The following GABRB1 variants were observed in gnomAD, a reference collection of about 807,000 sequenced individuals.
The protein encoded by GABRB1 is gamma-aminobutyric acid receptor subunit beta-1.
GABRB1 carries 17 observed loss-of-function variants against 51.6 expected under a neutral mutation model. The observed-to-expected ratio is 0.33, with a 90% CI of 0.23 to 0.49. The LOEUF is 0.49. Among genes scored for constraint, GABRB1 ranks in the 20% least tolerant of loss-of-function variants. The pLI is 0.99. For missense variants in GABRB1, 410 were observed against 600.6 expected (o/e 0.68, Z 3.32); for synonymous variants, 247 against 218.9 (o/e 1.13, Z -1.14).
At chr4:47,047,840 C>T (rs1249742798) in intron 3 of GABRB1, among the ~76,000 whole-genome samples, 4 of 151,970 alleles carry the variant, frequency 2.6e-5, no homozygotes, top group African/African-American at 9.7e-5. Context: ...ATTTGTCCTC[C>T]CTCTGAGACA....
intron 4 of GABRB1, among the ~76,000 whole-genome samples, chr4:47,262,520 C>T (rs371567366): frequency 1.1e-4 from 16 of 152,036 alleles, no homozygotes; most frequent in African/African-American, 2.2e-4. Context: ...GTTAGAATGG[C>T]GATCATTAAA....
At chr4:47,271,525 G>A (rs977749533) in intron 4 of GABRB1, among the ~76,000 whole-genome samples, 20 of 152,090 alleles carry the variant, frequency 1.3e-4, no homozygotes, top group Non-Finnish European at 2.8e-4. Context: ...TCTTTCCCTG[G>A]CTTAATCAGT....
intron 4 of GABRB1, among the ~76,000 whole-genome samples, chr4:47,227,231 G>T (rs17539438): frequency 6.6e-6 from 1 of 151,888 alleles, no homozygotes; most frequent in Non-Finnish European, 1.5e-5. Flanking sequence ...TCATTTTTTC[G>T]TGCAAAATTG....
At chr4:47,087,006 T>A (rs1442824242) in intron 3 of GABRB1, among the ~76,000 whole-genome samples, 1 of 152,218 alleles carries the variant, frequency 6.6e-6, no homozygotes, top group Non-Finnish European at 1.5e-5. Flanking sequence ...ACACTGCTTT[T>A]TCCCATTTCA....
intron 3 of GABRB1, among the ~76,000 whole-genome samples, chr4:47,069,750 A>T (rs1446351054): frequency 6.6e-6 from 1 of 151,830 alleles, no homozygotes; most frequent in Non-Finnish European, 1.5e-5. Flanking sequence ...TTCTTTTCTC[A>T]TTTGCCATGG....
intron 4 of GABRB1, among the ~76,000 whole-genome samples, chr4:47,233,167 C>T (rs1578020288): frequency 6.6e-6 from 1 of 152,152 alleles, no homozygotes; most frequent in South Asian, 2.1e-4. Context: ...TGATCCACCA[C>T]ATCCCACCTG....
At chr4:47,132,805 T>A (rs1009394967) in intron 3 of GABRB1, among the ~76,000 whole-genome samples, 1 of 151,924 alleles carries the variant, frequency 6.6e-6, no homozygotes, top group East Asian at 1.9e-4. Context: ...ACCCAGAGAG[T>A]CTCCAGTGCA....
At chr4:47,188,684 A>G (rs1039069875) in intron 4 of GABRB1, among the ~76,000 whole-genome samples, 1 of 152,044 alleles carries the variant, frequency 6.6e-6, no homozygotes, top group East Asian at 1.9e-4. Context: ...AAGGGCATAA[A>G]ATAAGTATAT....
chr4:47,354,525 C>T (rs1329722488), intron 5 of GABRB1, among the ~76,000 whole-genome samples: 1 of 152,136 alleles, frequency 6.6e-6, no homozygotes, highest in African/African-American at 2.4e-5. Flanking sequence ...ACCGGGTGCT[C>T]TCCAGGCCTT....
At chr4:47,045,954 T>C (rs1251297165) in intron 3 of GABRB1, among the ~76,000 whole-genome samples, 1 of 152,100 alleles carries the variant, frequency 6.6e-6, no homozygotes, top group Non-Finnish European at 1.5e-5. Flanking sequence ...TGAATTTTAG[T>C]TCCCATAAAC....
At chr4:47,091,730 T>C (rs1158450611) in intron 3 of GABRB1, among the ~76,000 whole-genome samples, 2 of 152,214 alleles carry the variant, frequency 1.3e-5, no homozygotes, top group African/African-American at 4.8e-5. Flanking sequence ...CCCTGCCTTG[T>C]AGTGGATTTT....
chr4:47,367,572 G>A (rs138194531), intron 5 of GABRB1, among the ~76,000 whole-genome samples: 423 of 152,298 alleles, frequency 2.8e-3, no homozygotes, highest in African/African-American at 9.3e-3. Flanking sequence ...AATGACAGAT[G>A]CAGAAAAGTC....
intron 4 of GABRB1, among the ~76,000 whole-genome samples, chr4:47,282,367 C>A (rs558960440): frequency 2.0e-5 from 3 of 152,302 alleles, no homozygotes; most frequent in African/African-American, 4.8e-5. Flanking sequence ...CCCCTACCAA[C>A]CTGGGTGGGC....
intron 3 of GABRB1, among the ~76,000 whole-genome samples, chr4:47,075,363 A>G (rs958621381): frequency 6.6e-5 from 10 of 152,204 alleles, no homozygotes; most frequent in African/African-American, 2.4e-4. Flanking sequence ...TAATTAATTC[A>G]GTTGTTCATA....
chr4:47,047,159 A>T (rs894577033), intron 3 of GABRB1, among the ~76,000 whole-genome samples: 1 of 152,138 alleles, frequency 6.6e-6, no homozygotes, highest in African/African-American at 2.4e-5. Context: ...AAGTTAAAAA[A>T]AATTAAACAA....
At chr4:47,195,425 TA>T (rs1219959482) in intron 4 of GABRB1, among the ~76,000 whole-genome samples, 22 of 95,842 alleles carry the variant, frequency 2.3e-4, no homozygotes, top group African/African-American at 8.9e-4. Flanking sequence ...GATAGATAGA[TA>T]GATAGATAGA....
At chr4:47,199,052 G>T (rs746480443) in intron 4 of GABRB1, among the ~76,000 whole-genome samples, 4 of 152,116 alleles carry the variant, frequency 2.6e-5, no homozygotes, top group Non-Finnish European at 5.9e-5. Context: ...TACAATTCAA[G>T]ATGAGATTTA....
chr4:47,163,077 A>G (rs948944453), intron 4 of GABRB1, among the ~76,000 whole-genome samples: 5 of 152,062 alleles, frequency 3.3e-5, no homozygotes, highest in Non-Finnish European at 7.4e-5. Context: ...TATGACATCT[A>G]GTGTCAGAGG....
chr4:47,157,549 C>T (rs1278897546), intron 3 of GABRB1, among the ~76,000 whole-genome samples: 4 of 151,976 alleles, frequency 2.6e-5, no homozygotes, highest in Non-Finnish European at 4.4e-5. Flanking sequence ...ATAATAAACA[C>T]TTTCATGGAA....
Sources: gnomAD v4.1 joint callset for allele counts (sites outside exome capture counted in the v4.1 genomes callset) on GRCh38, gnomAD v4.1.1 for gene constraint, MANE v1.5 for transcripts, NCBI Gene and HGNC (gene_info 2026-07-23, HGNC 2026-07-21) for gene names.